The following GNB5 variants were observed in gnomAD, a reference collection of about 807,000 sequenced individuals.
GNB5 encodes guanine nucleotide-binding protein subunit beta-5.
GNB5 carries 37 observed loss-of-function variants against 55.3 expected under a neutral mutation model. The observed-to-expected ratio is 0.67, with a 90% CI of 0.51 to 0.88. The LOEUF (loss-of-function observed/expected upper bound fraction) is 0.88, where lower values mean the gene tolerates loss of function less well. GNB5 is among the 40% of genes least tolerant of loss of function. The pLI, the probability that GNB5 is intolerant of heterozygous loss-of-function variation, is 0.00. For missense variants in GNB5, 476 were observed against 515.3 expected, an observed-to-expected ratio of 0.92 and a Z score of 0.74; for synonymous variants, 219 against 198.5, an observed-to-expected ratio of 1.10 and a Z score of -0.87.
chr15:52,164,024 C>T (rs2141225526), intron 3 of GNB5, among the ~76,000 whole-genome samples: 1 of 152,284 alleles, frequency 6.6e-6, no homozygotes, highest in Non-Finnish European at 1.5e-5. Context: ...AGAAAAACAG[C>T]CGGGCACGGT....
chr15:52,164,865 A>C (rs2034419044), intron 3 of GNB5, among the ~76,000 whole-genome samples: 1 of 152,202 alleles, frequency 6.6e-6, no homozygotes, highest in Non-Finnish European at 1.5e-5. Context: ...GCTGAGATAG[A>C]GGAAGTGACA....
chr15:52,184,472 T>A, intron 2 of GNB5, 79 bp downstream of exon 2: 1 of 1,222,432 alleles, frequency 8.2e-7, no homozygotes. Flanking sequence ...AAGCTGATTC[T>A]ATGGCATCTC....
chr15:52,133,617 C>T, intron 8 of GNB5, 148 bp from the exon 9 acceptor site: 2 of 611,090 alleles, frequency 3.3e-6, no homozygotes, highest in Non-Finnish European at 5.9e-6. Context: ...TACCTGAGGG[C>T]ACTTTCCTTA....
intron 12 of GNB5, among the ~76,000 whole-genome samples, chr15:52,124,112 G>A (rs1283805801): frequency 6.6e-6 from 1 of 150,474 alleles, no homozygotes; most frequent in Non-Finnish European, 1.5e-5. Flanking sequence ...ATCGTAATAA[G>A]AACCCTATAC....
At chr15:52,177,058 G>A (rs1372637013) in intron 3 of GNB5, among the ~76,000 whole-genome samples, 3 of 124,710 alleles carry the variant, frequency 2.4e-5, no homozygotes, top group Non-Finnish European at 3.2e-5. Context: ...TTTTTGAGAC[G>A]GAGTCTCGCT....
chr15:52,127,684 C>T (rs1352158812), intron 10 of GNB5, among the ~76,000 whole-genome samples: 1 of 151,832 alleles, frequency 6.6e-6, no homozygotes, highest in Non-Finnish European at 1.5e-5. Context: ...ATTTTTTTCT[C>T]TTGAAAATAA....
At chr15:52,160,234 C>T (rs1280420426) in intron 3 of GNB5, among the ~76,000 whole-genome samples, 2 of 152,206 alleles carry the variant, frequency 1.3e-5, no homozygotes, top group Admixed American at 6.5e-5. Flanking sequence ...AGGCATGAGC[C>T]ACTGCGCCTG....
At chr15:52,130,489 C>T (rs1334034101) in intron 9 of GNB5, among the ~76,000 whole-genome samples, 3 of 152,210 alleles carry the variant, frequency 2.0e-5, no homozygotes. Flanking sequence ...TTTTAAGTTA[C>T]AGTGTTCCCT....
chr15:52,142,275 C>G (rs774416399), intron 6 of GNB5, among the ~76,000 whole-genome samples: 2 of 152,090 alleles, frequency 1.3e-5, no homozygotes, highest in African/African-American at 2.4e-5. Context: ...TATTTTGAGA[C>G]CATAAAAATA....
chr15:52,125,826 A>C, intron 11 of GNB5, 122 bp downstream of exon 11: 2 of 622,762 alleles, frequency 3.2e-6, no homozygotes, highest in Non-Finnish European at 5.9e-6. Context: ...AATATGGATG[A>C]TTTCGCATAC....
intron 3 of GNB5, among the ~76,000 whole-genome samples, chr15:52,174,380 T>G (rs8034075): frequency 0.015 from 2,298 of 152,156 alleles, 49 homozygotes; most frequent in African/African-American, 0.037. Flanking sequence ...TCAAGCGAGG[T>G]AGTACTCGCC....
intron 3 of GNB5, among the ~76,000 whole-genome samples, chr15:52,155,890 A>G (rs2034198419): frequency 6.6e-6 from 1 of 152,202 alleles, no homozygotes; most frequent in African/African-American, 2.4e-5. Flanking sequence ...TTTTGTAATG[A>G]AAAGTGTCTT....
chr15:52,122,019 C>T lies in GNB5; in HGVS notation c.*738G>A, dbSNP rs543993425. On this transcript the variant is annotated 3_prime_UTR_variant, in exon 13 of 13. Coordinates refer to ENST00000261837, the MANE Select transcript of GNB5 (RefSeq NM_016194.4). The stretch of plus-strand genomic sequence containing the variant: ...GAAGACTTTTCTTTGCTCTCAGAAG[C>T]ATTTGTTTACAAACACCATTGGCTT... 6.6e-6 allele frequency: 1 copy of T among 152,292 alleles called. No individual in the cohort carries two copies. The highest frequency in any genetic ancestry group is 2.4e-5 in the African/African-American group (1 of 41,564). 9.4% of individuals were successfully genotyped at this position (152,292 alleles called of 1,614,324 possible).
chr15:52,179,851 T>C lies in GNB5; in HGVS notation c.155A>G (p.Glu52Gly). The change falls in exon 3 of 13, where the codon GAG becomes GGG. Residue 52 changes from glutamate to glycine, a missense_variant. Physicochemically the swap from Glu to Gly is moderately conservative, Grantham distance 98. Transcript: ENST00000261837. ...IMATEGLHEN[E>G]TLASLKSEAE... ...CTCGCTCTTCAGCGACGCCAGCGTC[T>C]CGTTCTCGTGCAGCCCCTCGGTTGC... 1 of 1,553,394 alleles carries C rather than the reference T, an allele frequency of 6.4e-7. No individual in the cohort carries two copies. Among genetic ancestry groups the C allele is most frequent in the Non-Finnish European group, 8.7e-7 (1 of 1,151,112 alleles).
At chr15:52,128,571 A>G (rs1465368764) in intron 9 of GNB5, 15 of 564,898 alleles carry the variant, frequency 2.7e-5, no homozygotes, top group Non-Finnish European at 4.7e-5. Flanking sequence ...AGGGATAAGA[A>G]AGTGGTTATG....
At chr15:52,172,887 CTT>C (rs1382521200) in intron 3 of GNB5, among the ~76,000 whole-genome samples, 5 of 152,170 alleles carry the variant, frequency 3.3e-5, no homozygotes, top group African/African-American at 9.7e-5. Context: ...ACAAGCACCT[CTT>C]GTTTGTTAAG....
intron 1 of GNB5, among the ~76,000 whole-genome samples, chr15:52,188,638 T>A (rs1181818558): frequency 6.6e-6 from 1 of 152,196 alleles, no homozygotes; most frequent in Non-Finnish European, 1.5e-5. Context: ...AAGACAGAAA[T>A]GCCCCATTTA....
chr15:52,156,145 C>T (rs1049982396), intron 3 of GNB5, among the ~76,000 whole-genome samples: 1 of 152,102 alleles, frequency 6.6e-6, no homozygotes, highest in African/African-American at 2.4e-5. Context: ...TGGGTTCTTA[C>T]TTTATTCAAG....
intron 3 of GNB5, among the ~76,000 whole-genome samples, chr15:52,172,616 C>CA (rs546890692): frequency 7.4e-4 from 112 of 151,902 alleles, no homozygotes; most frequent in Admixed American, 1.5e-3. Flanking sequence ...CTCGTCTCTA[C>CA]AAAAAAATGC....
Sources: allele counts gnomAD v4.1 joint callset (sites outside exome capture counted in the v4.1 genomes callset), GRCh38; gene constraint gnomAD v4.1.1; transcripts MANE v1.5; gene names NCBI Gene and HGNC (gene_info 2026-07-23, HGNC 2026-07-21).